Variants in TOX2 observed in about 807,000 individuals in gnomAD.
The protein encoded by TOX2 is TOX high mobility group box family member 2.
TOX2 carries 15 observed loss-of-function variants against 47.4 expected under a neutral mutation model. That is an observed-to-expected ratio of 0.32 (90% CI 0.21 to 0.49). The LOEUF is 0.49. TOX2 is among the 20% of genes least tolerant of loss of function. The pLI, the probability that TOX2 is intolerant of heterozygous loss-of-function variation, is 0.99. For missense variants in TOX2, 622 were observed against 673.1 expected, an observed-to-expected ratio of 0.92 and a Z score of 0.84; for synonymous variants, 290 against 296.6, an observed-to-expected ratio of 0.98 and a Z score of 0.23.
At chr20:43,993,494 C>G (rs1367523989) in intron 2 of TOX2, among the ~76,000 whole-genome samples, 1 of 151,986 alleles carries the variant, frequency 6.6e-6, no homozygotes, top group Non-Finnish European at 1.5e-5. Context: ...GAACATCTCT[C>G]CCAGGTACCC....
chr20:44,032,986 C>A (rs1163170010), intron 3 of TOX2, among the ~76,000 whole-genome samples: 1 of 152,174 alleles, frequency 6.6e-6, no homozygotes, highest in African/African-American at 2.4e-5. Context: ...ACTTGGCCTG[C>A]AGGGATAATA....
chr20:44,010,617 CTG>C (rs1229382077), intron 3 of TOX2, among the ~76,000 whole-genome samples: 2 of 152,186 alleles, frequency 1.3e-5, no homozygotes, highest in Non-Finnish European at 1.5e-5. Context: ...GGGCGTGGCT[CTG>C]TGTGTGCGTG....
At position 44,051,525 on chromosome 20, in the gene TOX2, G is replaced by A. The variant is rs2071511204; in HGVS notation, c.631G>A (p.Glu211Lys). ...TCCCTCCAGCTCCACTCAGGAAGAGGAGTCGGAAGTGCATTTCAAGGTATG... is the reference window on the plus strand; with the variant it reads ...TCCCTCCAGCTCCACTCAGGAAGAGAAGTCGGAAGTGCATTTCAAGGTATG... Reference protein sequence around the residue: ...PSPSSSTQEEESEVHFKISGE... With the variant: ...PSPSSSTQEEKSEVHFKISGE... Residue 211 changes from glutamate to lysine, a missense_variant, in exon 4 of 9, where the codon GAG becomes AAG. By Grantham distance (56) the Glu-to-Lys change is moderately conservative. Coordinates refer to ENST00000341197, the MANE Select transcript of TOX2 (RefSeq NM_001098797.2). 1 of 1,601,008 alleles carries A rather than the reference G, an allele frequency of 6.2e-7. No individual in the cohort carries two copies. Among genetic ancestry groups the A allele is most frequent in the Non-Finnish European group, 8.5e-7 (1 of 1,171,284 alleles).
At chr20:44,058,957 G>A (rs1323942446) in intron 5 of TOX2, among the ~76,000 whole-genome samples, 1 of 149,446 alleles carries the variant, frequency 6.7e-6, no homozygotes, top group Non-Finnish European at 1.5e-5. Flanking sequence ...CTGGTAATAT[G>A]ACAAAACGAG....
chr20:43,961,111 C>G (rs1255813799), intron 1 of TOX2, among the ~76,000 whole-genome samples: 1 of 152,250 alleles, frequency 6.6e-6, no homozygotes, highest in African/African-American at 2.4e-5. Flanking sequence ...ACATGTTTTA[C>G]GGGGTGCCCC....
intron 1 of TOX2, among the ~76,000 whole-genome samples, chr20:43,917,900 C>T (rs562316616): frequency 6.7e-4 from 102 of 152,176 alleles, no homozygotes; most frequent in Non-Finnish European, 1.2e-3. Context: ...ATTTGTGGCC[C>T]CATGGCTCCC....
chr20:43,945,885 G>C (rs773301340), intron 1 of TOX2: 1 of 1,608,766 alleles, frequency 6.2e-7, no homozygotes, highest in South Asian at 1.1e-5. Flanking sequence ...TGCTATTTCT[G>C]GCATTTTTTC....
At chr20:44,018,601 T>G (rs1283994397) in intron 3 of TOX2, among the ~76,000 whole-genome samples, 1 of 152,254 alleles carries the variant, frequency 6.6e-6, no homozygotes, top group African/African-American at 2.4e-5. Flanking sequence ...ATTTTCCCCC[T>G]GCTCTGCCTG....
chr20:43,941,245 C>T (rs1344124606), intron 1 of TOX2, among the ~76,000 whole-genome samples: 1 of 151,678 alleles, frequency 6.6e-6, no homozygotes, highest in Non-Finnish European at 1.5e-5. Flanking sequence ...AAAGTTGGTT[C>T]TAGGACAAAG....
chr20:43,958,429 C>T (rs1363630122), intron 1 of TOX2, among the ~76,000 whole-genome samples: 2 of 152,218 alleles, frequency 1.3e-5, no homozygotes, highest in Non-Finnish European at 2.9e-5. Flanking sequence ...CCGGTTTTCC[C>T]CCAACCTGGC....
rs902165329 is a variant in TOX2, at chr20:44,064,698, G to C, written c.880-79G>C. The C allele has an allele frequency of 3.3e-5, 45 of 1,375,696 alleles. No individual in the cohort carries two copies. The African/African-American group carries it at 4.8e-4, about 15-fold the overall frequency. The allele number at this position is 1,375,696 out of a possible 1,614,324, so 85.2% of individuals were successfully genotyped here. On this transcript the variant is annotated intron_variant, in intron 5 of 8. Coordinates refer to ENST00000341197, the MANE Select transcript of TOX2 (RefSeq NM_001098797.2). ...GTCCATTCGTGATCCTTGAATCCAT[G>C]CCTTCCCACCCCAGGACCCTGCACG...
At chr20:44,057,825 T>C (rs2071648522) in intron 5 of TOX2, among the ~76,000 whole-genome samples, 2 of 152,172 alleles carry the variant, frequency 1.3e-5, no homozygotes, top group Admixed American at 6.5e-5. Context: ...TTTGCATCAG[T>C]GGTCAACTAC....
At chr20:43,947,072 A>G (rs2069486578) in intron 1 of TOX2, among the ~76,000 whole-genome samples, 1 of 152,174 alleles carries the variant, frequency 6.6e-6, no homozygotes, top group East Asian at 1.9e-4. Flanking sequence ...TGGGTCTGAA[A>G]GCCTGCAGGA....
chr20:44,018,168 G>C (rs1358536869), intron 3 of TOX2, among the ~76,000 whole-genome samples: 2 of 152,172 alleles, frequency 1.3e-5, no homozygotes, highest in African/African-American at 4.8e-5. Flanking sequence ...GGACCTCCCT[G>C]TTCAGACCTG....
At chr20:44,061,826 A>T (rs2071723140) in intron 5 of TOX2, among the ~76,000 whole-genome samples, 1 of 152,212 alleles carries the variant, frequency 6.6e-6, no homozygotes, top group Admixed American at 6.5e-5. Context: ...GGGATGGTTT[A>T]ACATACACGA....
chr20:43,962,830 A>C (rs938524731), intron 1 of TOX2, among the ~76,000 whole-genome samples: 1 of 152,232 alleles, frequency 6.6e-6, no homozygotes, highest in Non-Finnish European at 1.5e-5. Context: ...GGCCACATAC[A>C]TGATTTTAAG....
chr20:44,050,032 AT>A (rs1002179587), intron 3 of TOX2, among the ~76,000 whole-genome samples: 23 of 152,202 alleles, frequency 1.5e-4, no homozygotes, highest in African/African-American at 5.3e-4. Flanking sequence ...GTCAAATGGT[AT>A]TCCAGAAGTC....
At chr20:43,974,418 G>T (rs2070035861) in intron 2 of TOX2, among the ~76,000 whole-genome samples, 2 of 152,224 alleles carry the variant, frequency 1.3e-5, no homozygotes, top group Non-Finnish European at 1.5e-5. Flanking sequence ...CTCATTACAG[G>T]CATGGCATCG....
rs775113508 is a variant in TOX2, at chr20:44,054,535, C to T, written c.879+9C>T. ...GAGAGGAACAGAAGCAGGTGAGCCT[C>T]CCTCTCTTTCTGGGCCATCCCCTGA... is the stretch of plus-strand genomic sequence containing the variant. On this transcript the variant is annotated intron_variant, in intron 5 of 8. Transcript: ENST00000341197. The T allele has an allele frequency of 1.9e-6, 3 of 1,611,702 alleles. No individual in the cohort carries two copies. Among genetic ancestry groups the T allele is most frequent in the Non-Finnish European group, 2.5e-6 (3 of 1,178,766 alleles).
Sources: gnomAD v4.1 joint callset for allele counts (sites outside exome capture counted in the v4.1 genomes callset) on GRCh38, gnomAD v4.1.1 for gene constraint, MANE v1.5 for transcripts, NCBI Gene and HGNC (gene_info 2026-07-23, HGNC 2026-07-21) for gene names.